The following ADAMTS13 variants were observed in gnomAD, a reference collection of about 807,000 sequenced individuals.
ADAMTS13 encodes ADAM metallopeptidase with thrombospondin type 1 motif 13, also known as A disintegrin and metalloproteinase with thrombospondin motifs 13.
ADAMTS13 carries 110 observed loss-of-function variants against 155.1 expected under a neutral mutation model. That is an observed-to-expected ratio of 0.71 (90% CI 0.61 to 0.83). ADAMTS13 has a LOEUF of 0.83. Among genes scored for constraint, ADAMTS13 ranks in the 40% least tolerant of loss-of-function variants. ADAMTS13 has a pLI of 0.00. For synonymous variants in ADAMTS13, 758 were observed against 756.4 expected (o/e 1.00, Z -0.03); for missense variants, 1,707 against 1,891.7 (o/e 0.90, Z 1.81).
intron 18 of ADAMTS13, 115 bp downstream of exon 18, chr9:133,442,858 T>C (rs782674829): frequency 9.5e-5 from 137 of 1,441,258 alleles, no homozygotes; most frequent in East Asian, 2.5e-5. Flanking sequence ...GAGCTGCTCC[T>C]GTGCAGGCTC....
Position 133,440,236 on chromosome 9 carries a change from C to A in ADAMTS13, c.1787-108C>A. On this transcript the variant is annotated intron_variant, in intron 15 of 28. Transcript: ENST00000355699. This position sits in a 1 kb window ranked among gnomAD's most constrained non-coding sequence, Gnocchi z 4.3. ...AAGCCTCTAGCTCAGATGCCTGTGGCTCCTTAGAGGAGGGCTGGGGACCCC... is the reference window on the plus strand; with the variant it reads ...AAGCCTCTAGCTCAGATGCCTGTGGATCCTTAGAGGAGGGCTGGGGACCCC... 1.4e-6 allele frequency: 2 copies of A among 1,407,176 alleles called. No homozygotes were observed. Among genetic ancestry groups the A allele is most frequent in the Non-Finnish European group, 2.0e-6 (2 of 1,005,920 alleles). 87.2% of individuals were successfully genotyped at this position (1,407,176 alleles called of 1,614,324 possible).
rs782033728 is a variant in ADAMTS13, at chr9:133,433,486, G to A, written c.1201G>A (p.Gly401Arg). 6 of 1,613,396 alleles carry A rather than the reference G, an allele frequency of 3.7e-6. No homozygotes were observed. The highest frequency in any genetic ancestry group is 1.1e-5 in the South Asian group (1 of 91,084). Residue 401 changes from glycine (G) to arginine (R), a missense_variant, in exon 10 of 29, where the codon GGA (glycine) becomes AGA (arginine). Physicochemically the swap from Gly to Arg is moderately radical, Grantham distance 125. Around this residue, in one of 3 missense-constraint regions of ADAMTS13, gnomAD observed 733 missense variants for 749.6 expected, o/e 0.98. Transcript: ENST00000355699. ...GPRSPCSRSC[G>R]GGVVTRRRQC... ...CCGAAGTCCTTGCTCCCGCTCCTGC[G>A]GAGGAGGTGTGGTCACCAGGAGGCG...
chr9:133,423,612 C>T (rs1240413259), intron 2 of ADAMTS13, among the ~76,000 whole-genome samples: 1 of 152,238 alleles, frequency 6.6e-6, no homozygotes, highest in Non-Finnish European at 1.5e-5. Context: ...ATGTCTGTGA[C>T]CTTCTCCGGT....
rs1554795998 is a variant in ADAMTS13, at chr9:133,456,372, A to C, written c.3547+157A>C. On this transcript the variant is annotated intron_variant, in intron 26 of 28. Transcript: ENST00000355699. This position sits in a 1 kb window ranked among gnomAD's most constrained non-coding sequence, Gnocchi z 4.4. ...TGGGGAGTGATGATCTGCATTTTAC[A>C]GATGAGGAAACTGAGGCTAGGAGAG... Among the ~76,000 whole-genome samples, 3 of 152,212 alleles carry C rather than the reference A, an allele frequency of 2.0e-5. No individual in the cohort carries two copies. Among genetic ancestry groups the C allele is most frequent in the African/African-American group, 2.4e-5 (1 of 41,446 alleles).
intron 6 of ADAMTS13, among the ~76,000 whole-genome samples, chr9:133,428,072 C>T (rs782684965): frequency 1.1e-4 from 17 of 152,194 alleles, no homozygotes; most frequent in African/African-American, 3.6e-4. Context: ...TCACCGGTGC[C>T]TGGCCTCTCC....
rs1554785990 is a variant in ADAMTS13 at position 133,428,777 on chromosome 9, G to C, written c.824+6G>C. 42 of 1,320,682 alleles carry C rather than the reference G, an allele frequency of 3.2e-5. No homozygotes were observed. Among genetic ancestry groups the C allele is most frequent in the Non-Finnish European group, 4.0e-5 (41 of 1,033,402 alleles). The allele number at this position is 1,320,682 out of a possible 1,614,324, so 81.8% of individuals were successfully genotyped here. A position where few individuals can be genotyped will look rare whatever the true frequency, so the allele number is the denominator to read the frequency against. ...CAGCTGCTGAGCCTGCTCAGGTAGC[G>C]GCCGCCCCGTGGGAGGGGCGCGCGA... On this transcript the variant is annotated splice_donor_region_variant and intron_variant, in intron 7 of 28. Transcript: ENST00000355699.
intron 8 of ADAMTS13, 33 bp downstream of exon 8, chr9:133,430,134 G>C: frequency 6.4e-7 from 1 of 1,558,492 alleles, no homozygotes; most frequent in African/African-American, 1.3e-5. Flanking sequence ...GGGATTGGCT[G>C]TGAGGTCCCT....
At chr9:133,422,924 C>T (rs1395954825) in intron 1 of ADAMTS13, among the ~76,000 whole-genome samples, 177 bp from the exon 2 acceptor site, 1 of 143,416 alleles carries the variant, frequency 7.0e-6, no homozygotes, top group African/African-American at 2.5e-5. Flanking sequence ...TTTTTTCTTT[C>T]TCTCTCTCTC....
In ADAMTS13 at chr9:133,456,277, C is replaced by T. The variant is rs866627277; in HGVS notation, c.3547+62C>T. 1.1e-5 allele frequency: 17 copies of T among 1,608,948 alleles called. No homozygotes were observed. The highest frequency in any genetic ancestry group is 1.7e-4 in the Middle Eastern group (1 of 6,044). The stretch of plus-strand genomic sequence containing the variant: ...TGGGCCCTGCCAGGAGCCAGCACGA[C>T]GCTGCATGCCCCATTCCTGGCAGGA... On this transcript the variant is annotated intron_variant, in intron 26 of 28. Coordinates refer to ENST00000355699, the MANE Select transcript of ADAMTS13 (RefSeq NM_139027.6). This position sits in a 1 kb window ranked among gnomAD's most constrained non-coding sequence, Gnocchi z 4.4.
rs782453359 is a variant in ADAMTS13, at chr9:133,424,341, T to C, written c.193T>C (p.Phe65Leu). 1.2e-6 allele frequency: 2 copies of C among 1,613,148 alleles called. No homozygotes were observed. The highest frequency in any genetic ancestry group is 1.1e-5 in the South Asian group (1 of 91,052). ...PLKGRPPSPG[F>L]QRQRQRQRRA... Reference sequence around the variant, plus strand: ...TCCAGGCCGCCCTCCTTCCCCTGGCTTCCAGAGGCAGAGGCAGAGGCAGAG... The same window carrying C: ...TCCAGGCCGCCCTCCTTCCCCTGGCCTCCAGAGGCAGAGGCAGAGGCAGAG... The change falls in exon 3 of 29, where the codon TTC becomes CTC. Residue 65 changes from phenylalanine to leucine, a missense_variant. Around this residue, in one of 3 missense-constraint regions of ADAMTS13, gnomAD observed 733 missense variants for 749.6 expected, o/e 0.98. Transcript: ENST00000355699. The surrounding 1 kb of genome is among the most constrained non-coding windows in gnomAD (Gnocchi z 4.3).
At position 133,440,624 on chromosome 9, in the gene ADAMTS13, T is replaced by A; in HGVS notation, c.1968+99T>A. 7.3e-7 allele frequency: 1 copy of A among 1,375,230 alleles called. No homozygotes were observed. Among genetic ancestry groups the A allele is most frequent in the Non-Finnish European group, 9.7e-7 (1 of 1,029,498 alleles). 85.2% of individuals were successfully genotyped at this position (1,375,230 alleles called of 1,614,324 possible). ...TCCATCCATTCCCTGATTCGTTCAT[T>A]TATTCATTCAGCGGTCACTTACAGG... is the stretch of plus-strand genomic sequence containing the variant. On this transcript the variant is annotated intron_variant, in intron 16 of 28. Coordinates refer to ENST00000355699, the MANE Select transcript of ADAMTS13 (RefSeq NM_139027.6). This position sits in a 1 kb window ranked among gnomAD's most constrained non-coding sequence, Gnocchi z 4.3.
In ADAMTS13 at chr9:133,456,290, A is replaced by G; in HGVS notation, c.3547+75A>G. 1 of 1,604,384 alleles carries G rather than the reference A, an allele frequency of 6.2e-7. No homozygotes were observed. Among genetic ancestry groups the G allele is most frequent in the Non-Finnish European group, 8.5e-7 (1 of 1,175,942 alleles). The stretch of plus-strand genomic sequence containing the variant: ...GAGCCAGCACGACGCTGCATGCCCC[A>G]TTCCTGGCAGGAGCCCATGTGCATT... On this transcript the variant is annotated intron_variant, in intron 26 of 28. Transcript: ENST00000355699. The surrounding 1 kb of genome is among the most constrained non-coding windows in gnomAD (Gnocchi z 4.4).
At position 133,424,445 on chromosome 9, in the gene ADAMTS13, C is replaced by T. The variant is rs782483941; in HGVS notation, c.297C>T (p.Asp99=). The T allele has an allele frequency of 6.2e-6, 10 of 1,613,878 alleles. No individual in the cohort carries two copies. Among genetic ancestry groups the T allele is most frequent in the Non-Finnish European group, 8.5e-6 (10 of 1,179,978 alleles). ...ATGTCTTCCAGGCTCACCAGGAGGACACAGAGCGCTATGTGCTCACCAACC... is the reference window on the plus strand; with the variant it reads ...ATGTCTTCCAGGCTCACCAGGAGGATACAGAGCGCTATGTGCTCACCAACC... ...GPDVFQAHQE[D]TERYVLTNLN... The change falls in exon 3 of 29, where the codon GAC becomes GAT. Residue 99 remains aspartate (D), a synonymous_variant. Transcript: ENST00000355699. The surrounding 1 kb of genome is among the most constrained non-coding windows in gnomAD (Gnocchi z 4.3).
At position 133,428,738 on chromosome 9, in the gene ADAMTS13, C is replaced by G; in HGVS notation, c.791C>G (p.Pro264Arg). The G allele has an allele frequency of 1.5e-6, 2 of 1,360,034 alleles. No individual in the cohort carries two copies. The highest frequency in any genetic ancestry group is 1.9e-6 in the Non-Finnish European group (2 of 1,053,162). 84.2% of individuals were successfully genotyped at this position (1,360,034 alleles called of 1,614,324 possible). A position where few individuals can be genotyped will look rare whatever the true frequency, so the allele number is the denominator to read the frequency against. Residue 264 changes from proline (P) to arginine (R), a missense_variant, in exon 7 of 29, where the codon CCC becomes CGC. By Grantham distance (103) the Pro-to-Arg change is moderately radical (BLOSUM62 -2). Around this residue, in one of 3 missense-constraint regions of ADAMTS13, gnomAD observed 733 missense variants for 749.6 expected, o/e 0.98. Coordinates refer to ENST00000355699, the MANE Select transcript of ADAMTS13 (RefSeq NM_139027.6). ...AAPRAGLAWS[P>R]CSRRQLLSLL... ...CCCCGCGCCGGCCTCGCCTGGTCCC[C>G]CTGCAGCCGCCGGCAGCTGCTGAGC...
intron 25 of ADAMTS13, 38 bp downstream of exon 25, chr9:133,455,473 T>C (rs186236347): frequency 6.2e-7 from 1 of 1,612,466 alleles, no homozygotes; most frequent in Non-Finnish European, 8.5e-7. Context: ...AAGCCGCTGC[T>C]CCAGGACGGA....
chr9:133,439,478 G>A (rs782102946), intron 15 of ADAMTS13, 32 bp downstream of exon 15: 8 of 1,564,790 alleles, frequency 5.1e-6, no homozygotes, highest in Non-Finnish European at 7.0e-6. Flanking sequence ...CACCCAGTTA[G>A]CTAGACTGCA....
chr9:133,456,559 T>C lies in ADAMTS13; in HGVS notation c.3564T>C (p.Leu1188=), dbSNP rs2130949174. Residue 1188 remains leucine (L), a synonymous_variant, in exon 27 of 29, where the codon CTT becomes CTC. Coordinates refer to ENST00000355699, the MANE Select transcript of ADAMTS13 (RefSeq NM_139027.6). The surrounding 1 kb of genome is among the most constrained non-coding windows in gnomAD (Gnocchi z 4.4). ...LNCSAGDMLL[L]WGRLTWRKMC... is the part of the protein sequence containing the mutation. ...GCTTCCTAGGGGACATGTTGCTGCT[T>C]TGGGGCCGGCTCACCTGGAGGAAGA... 3 of 1,613,484 alleles carry C rather than the reference T, an allele frequency of 1.9e-6. No homozygotes were observed. The highest frequency in any genetic ancestry group is 2.5e-6 in the Non-Finnish European group (3 of 1,179,932).
chr9:133,443,934 A>G (rs1841881886), intron 19 of ADAMTS13, among the ~76,000 whole-genome samples: 1 of 151,844 alleles, frequency 6.6e-6, no homozygotes, highest in African/African-American at 2.4e-5. Context: ...TCAGTGTCCA[A>G]GTTGACAGTG....
Position 133,414,612 on chromosome 9 carries a change from C to T in ADAMTS13, n.255C>T, listed in dbSNP as rs587622413. 3.9e-6 allele frequency: 6 copies of T among 1,527,392 alleles called. No homozygotes were observed. The East Asian group carries it at 1.3e-4, about 34-fold the overall frequency. The allele number at this position is 1,527,392 out of a possible 1,614,324, so 94.6% of individuals were successfully genotyped here. A position where few individuals can be genotyped will look rare whatever the true frequency, so the allele number is the denominator to read the frequency against. On this transcript the variant is annotated non_coding_transcript_exon_variant, in exon 1 of 18. Transcript: ENST00000485925. ...CACCAGCCTCCATAAGGAGACAGGC[C>T]TTGGTGAAGTCGCTGTGCCTCGGTT...
Sources: allele counts gnomAD v4.1 joint callset (sites outside exome capture counted in the v4.1 genomes callset), GRCh38; gene constraint gnomAD v4.1.1; regional missense constraint gnomAD v4.1.1; non-coding constraint Gnocchi (gnomAD v3.1); transcripts MANE v1.5; gene names NCBI Gene and HGNC (gene_info 2026-07-23, HGNC 2026-07-21).